CDH13: variants seen among roughly 807,000 people sequenced by gnomAD.
The protein encoded by CDH13 is cadherin-13.
A neutral mutation model predicts 63.8 loss-of-function variants in CDH13; 24 were observed. The observed-to-expected ratio is 0.38, with a 90% CI of 0.27 to 0.53. The LOEUF (loss-of-function observed/expected upper bound fraction) is 0.53. Ranked by LOEUF, CDH13 falls within the 20% of genes least tolerant of loss-of-function variation. The pLI is 0.85. For missense variants in CDH13, 1,049 were observed against 903.1 expected (o/e 1.16, Z -2.07); for synonymous variants, 503 against 355.3 (o/e 1.42, Z -4.67).
At chr16:83,556,832 C>G (rs1326438705) in intron 7 of CDH13, among the ~76,000 whole-genome samples, 1 of 152,254 alleles carries the variant, frequency 6.6e-6, no homozygotes, top group Non-Finnish European at 1.5e-5. Flanking sequence ...TCAGCTGATG[C>G]CAGGGAACTT....
rs376736168 is a variant in CDH13, at chr16:82,628,416, C to G, written c.45+1279C>G. Among the ~76,000 whole-genome samples, 22 of 152,174 alleles carry G rather than the reference C, an allele frequency of 1.4e-4. No homozygotes were observed. In the South Asian group the frequency reaches 3.9e-3, roughly 27 times the overall value. ...AGTTGGGTTCCCAGGTAGGGACTGT[C>G]TGGGATGGGGAGACTGGTGCAGACT... On this transcript the variant is annotated intron_variant, in intron 1 of 13. Coordinates refer to ENST00000567109, the MANE Select transcript of CDH13 (RefSeq NM_001257.5).
intron 2 of CDH13, among the ~76,000 whole-genome samples, chr16:82,960,034 GTT>G (rs1906731647): frequency 2.0e-5 from 3 of 152,168 alleles, no homozygotes; most frequent in Admixed American, 6.5e-5. Flanking sequence ...CTATTGAAGA[GTT>G]TTGAGCAGTA....
rs1275268132 is a variant in CDH13 at position 83,047,145 on chromosome 16, T to C, written c.366+14927T>C. ...ATAAAGCTTTAAACAGTAGTAGTTC[T>C]CCGTGAGACCCAAGGAAAGGTCTGC... On this transcript the variant is annotated intron_variant, in intron 3 of 13. Transcript: ENST00000567109. The surrounding 1 kb of genome is among the most constrained non-coding windows in gnomAD (Gnocchi z 4.9). 6.6e-6 allele frequency among the ~76,000 whole-genome samples: 1 copy of C among 152,204 alleles called. No homozygotes were observed. The highest frequency in any genetic ancestry group is 2.4e-5 in the African/African-American group (1 of 41,450).
intron 7 of CDH13, among the ~76,000 whole-genome samples, chr16:83,574,467 C>G (rs1408299538): frequency 1.3e-5 from 2 of 152,158 alleles, no homozygotes; most frequent in Non-Finnish European, 2.9e-5. Flanking sequence ...TGACTGCAGG[C>G]TGAGAACCAA....
intron 7 of CDH13, among the ~76,000 whole-genome samples, chr16:83,510,435 G>C (rs891944477): frequency 6.6e-6 from 1 of 152,102 alleles, no homozygotes; most frequent in African/African-American, 2.4e-5. Flanking sequence ...TACGTCTAAT[G>C]GATATTAAAA....
chr16:82,924,169 G>A (rs545569550), intron 2 of CDH13, among the ~76,000 whole-genome samples: 1 of 152,222 alleles, frequency 6.6e-6, no homozygotes, highest in South Asian at 2.1e-4. Flanking sequence ...TTGCTTTTCT[G>A]TAAGAAGGTG....
chr16:83,534,037 G>A (rs1306155541), intron 7 of CDH13, among the ~76,000 whole-genome samples: 1 of 152,138 alleles, frequency 6.6e-6, no homozygotes, highest in African/African-American at 2.4e-5. Flanking sequence ...CCATTTAGTG[G>A]ATGGACAGTG....
At chr16:83,137,215 G>T (rs148617710) in intron 4 of CDH13, among the ~76,000 whole-genome samples, 8 of 152,324 alleles carry the variant, frequency 5.3e-5, no homozygotes, top group East Asian at 3.9e-4. Flanking sequence ...TCTGCCTGTT[G>T]CAGGTGTTAA....
chr16:83,719,755 A>G lies in CDH13; in HGVS notation c.1539-28353A>G, dbSNP rs140962340. Among the ~76,000 whole-genome samples, 16 of 152,234 alleles carry G rather than the reference A, an allele frequency of 1.1e-4. No individual in the cohort carries two copies. The East Asian group carries it at 3.1e-3, about 30-fold the overall frequency. ...CTCAGATACCATTATACCAGATGCCATTCCTTAAGCCCCTGAGTACCAATC... is the reference window on the plus strand; with the variant it reads ...CTCAGATACCATTATACCAGATGCCGTTCCTTAAGCCCCTGAGTACCAATC... On this transcript the variant is annotated intron_variant, in intron 10 of 13. Transcript: ENST00000567109.
intron 11 of CDH13, among the ~76,000 whole-genome samples, chr16:83,749,955 T>A (rs1195853965): frequency 6.6e-6 from 1 of 152,164 alleles, no homozygotes; most frequent in African/African-American, 2.4e-5. Flanking sequence ...CAGCTTCTGA[T>A]TGGTTAGCCT....
intron 2 of CDH13, among the ~76,000 whole-genome samples, chr16:82,860,264 C>G (rs979127247): frequency 6.6e-6 from 1 of 151,470 alleles, no homozygotes; most frequent in African/African-American, 2.4e-5. Flanking sequence ...CTGTAATCTT[C>G]ACGATAGCAA....
chr16:83,335,093 C>G (rs962716010), intron 5 of CDH13, among the ~76,000 whole-genome samples: 10 of 152,156 alleles, frequency 6.6e-5, no homozygotes, highest in Non-Finnish European at 1.3e-4. Flanking sequence ...CACACTCTAC[C>G]TTGCAAGATT....
chr16:83,592,578 C>T (rs1906862970), intron 7 of CDH13, among the ~76,000 whole-genome samples: 1 of 152,128 alleles, frequency 6.6e-6, no homozygotes, highest in Non-Finnish European at 1.5e-5. Flanking sequence ...CACACATTGC[C>T]TGGAAATGTT....
intron 1 of CDH13, among the ~76,000 whole-genome samples, chr16:82,638,791 C>T (rs991524441): frequency 1.9e-4 from 15 of 78,376 alleles, no homozygotes; most frequent in African/African-American, 5.5e-4. Flanking sequence ...TGCCCATCAT[C>T]TGTTCCTGGG....
intron 2 of CDH13, among the ~76,000 whole-genome samples, chr16:82,950,525 C>T (rs986850797): frequency 6.6e-6 from 1 of 152,104 alleles, no homozygotes; most frequent in Non-Finnish European, 1.5e-5. Flanking sequence ...GAAGTGGTCT[C>T]CCTATTCGCT....
intron 8 of CDH13, among the ~76,000 whole-genome samples, chr16:83,617,193 G>A (rs887074160): frequency 6.6e-6 from 1 of 152,160 alleles, no homozygotes; most frequent in Non-Finnish European, 1.5e-5. Flanking sequence ...AAGCACAGGG[G>A]CAACATCAAG....
intron 1 of CDH13, among the ~76,000 whole-genome samples, chr16:82,697,361 ACCCCAGACTAT>A (rs2030426138): frequency 7.0e-6 from 1 of 142,946 alleles, no homozygotes; most frequent in East Asian, 2.1e-4. Flanking sequence ...TGTCACTCTC[ACCCCAGACTAT>A]CCTCCAACAT....
chr16:82,963,928 G>T (rs1567699618), intron 2 of CDH13, among the ~76,000 whole-genome samples: 1 of 152,162 alleles, frequency 6.6e-6, no homozygotes, highest in Non-Finnish European at 1.5e-5. Context: ...CTCACAGTTG[G>T]ACTCAGCAGT....
At chr16:82,862,735 A>G (rs1452317553) in intron 2 of CDH13, among the ~76,000 whole-genome samples, 1 of 152,248 alleles carries the variant, frequency 6.6e-6, no homozygotes, top group Non-Finnish European at 1.5e-5. Flanking sequence ...AGGCTAGGCC[A>G]TGGTGTCAAA....
Sources: gnomAD v4.1 joint callset for allele counts (sites outside exome capture counted in the v4.1 genomes callset) on GRCh38, gnomAD v4.1.1 for gene constraint, Gnocchi (gnomAD v3.1) non-coding constraint, MANE v1.5 for transcripts, NCBI Gene and HGNC (gene_info 2026-07-23, HGNC 2026-07-21) for gene names.